Variants in CSPP1 observed in about 807,000 individuals in gnomAD.
CSPP1 encodes the protein centrosome and spindle pole associated protein 1.
CSPP1 carries 126 observed loss-of-function variants against 164.4 expected under a neutral mutation model. The ratio of observed to expected loss-of-function variants is 0.77; its 90% CI spans 0.66 to 0.89. The LOEUF (loss-of-function observed/expected upper bound fraction) is 0.89. Ranked by LOEUF, CSPP1 falls within the 40% of genes least tolerant of loss-of-function variation. The pLI is 0.00. For synonymous variants in CSPP1, 472 were observed against 476.7 expected, an observed-to-expected ratio of 0.99 and a Z score of 0.13; for missense variants, 1,395 against 1,449.8, an observed-to-expected ratio of 0.96 and a Z score of 0.61.
At chr8:67,090,387 G>A (rs191346589) in intron 4 of CSPP1, among the ~76,000 whole-genome samples, 1 of 152,224 alleles carries the variant, frequency 6.6e-6, no homozygotes, top group East Asian at 1.9e-4. Flanking sequence ...TTGGGTTCAG[G>A]TGATTCTCCT....
chr8:67,116,864 T>G (rs1024624359), intron 13 of CSPP1, among the ~76,000 whole-genome samples: 8 of 152,208 alleles, frequency 5.3e-5, no homozygotes, highest in African/African-American at 1.9e-4. Context: ...CTGGACTGTA[T>G]TATTTCAGTA....
chr8:67,195,794 A>AGATT lies in CSPP1; in HGVS notation c.*202_*205dup. The AGATT allele has an allele frequency of 1.8e-6, 1 of 542,452 alleles. No individual in the cohort carries two copies. Among genetic ancestry groups the AGATT allele is most frequent in the Non-Finnish European group, 3.3e-6 (1 of 303,518 alleles). 33.6% of individuals were successfully genotyped at this position (542,452 alleles called of 1,614,324 possible). A position where few individuals can be genotyped will look rare whatever the true frequency, so the allele number is the denominator to read the frequency against. ...ATTGATTTATATAATAGAATTGTAT[A>AGATT]GATTATTTTTGCACAGTTTTGTCAT... On this transcript the variant is annotated 3_prime_UTR_variant, in exon 31 of 31. Coordinates refer to ENST00000678616, the MANE Select transcript of CSPP1 (RefSeq NM_001382391.1).
intron 19 of CSPP1, among the ~76,000 whole-genome samples, chr8:67,155,077 C>CTT (rs1197980666): frequency 5.3e-5 from 8 of 152,178 alleles, no homozygotes; most frequent in African/African-American, 1.7e-4. Context: ...AAGGAAGACA[C>CTT]TTGAACATCC....
At chr8:67,118,158 A>T in intron 13 of CSPP1, 90 bp from the exon 14 acceptor site, 1 of 1,324,960 alleles carries the variant, frequency 7.5e-7, no homozygotes, top group South Asian at 1.2e-5. Context: ...TAGGATTTTC[A>T]GTACTGTTTT....
intron 29 of CSPP1, among the ~76,000 whole-genome samples, chr8:67,191,393 G>C (rs1836201313): frequency 1.3e-5 from 2 of 152,342 alleles, no homozygotes; most frequent in Admixed American, 1.3e-4. Context: ...CCAAGTAACA[G>C]ATGTTGCTAT....
In CSPP1 at chr8:67,195,665, C is replaced by G; in HGVS notation, c.*72C>G. 2 of 1,357,156 alleles carry G rather than the reference C, an allele frequency of 1.5e-6. No individual in the cohort carries two copies. The highest frequency in any genetic ancestry group is 1.2e-5 in the South Asian group (1 of 80,222). The allele number at this position is 1,357,156 out of a possible 1,614,324, so 84.1% of individuals were successfully genotyped here. ...TGGTAAATCTGTACCTTTAATATGT[C>G]CTACTTTTGGCCCCTACCTGAAAGT... On this transcript the variant is annotated 3_prime_UTR_variant, in exon 31 of 31. Transcript: ENST00000678616.
At chr8:67,184,353 A>C (rs1833837556) in intron 28 of CSPP1, among the ~76,000 whole-genome samples, 1 of 152,226 alleles carries the variant, frequency 6.6e-6, no homozygotes, top group African/African-American at 2.4e-5. Context: ...AAATAGAGAA[A>C]ATCAATGAAA....
intron 27 of CSPP1, among the ~76,000 whole-genome samples, chr8:67,179,552 A>G (rs1586785086): frequency 6.6e-6 from 1 of 152,234 alleles, no homozygotes; most frequent in East Asian, 1.9e-4. Context: ...ATCAGTCATA[A>G]TGTGATCCTT....
chr8:67,106,735 C>T (rs1815622057), intron 9 of CSPP1, among the ~76,000 whole-genome samples: 1 of 152,012 alleles, frequency 6.6e-6, no homozygotes, highest in South Asian at 2.1e-4. Context: ...TTTGTGAAAA[C>T]TGTTAGAAAA....
chr8:67,185,959 A>C (rs767157360), intron 28 of CSPP1, among the ~76,000 whole-genome samples: 1 of 152,204 alleles, frequency 6.6e-6, no homozygotes, highest in Non-Finnish European at 1.5e-5. Context: ...GGTCCTTTGC[A>C]CTTAAAGCAA....
Position 67,192,072 on chromosome 8 carries a change from T to G in CSPP1, c.3330+1313T>G, listed in dbSNP as rs552669345. ...TCAAATCCTTTGCTGATTTGTTTTTTTTTTTGTTTTTTTTTTTTGATACAG... is the reference window on the plus strand; with the variant it reads ...TCAAATCCTTTGCTGATTTGTTTTTGTTTTTGTTTTTTTTTTTTGATACAG... On this transcript the variant is annotated intron_variant, in intron 29 of 30. Coordinates refer to ENST00000678616, the MANE Select transcript of CSPP1 (RefSeq NM_001382391.1). 2.0e-3 allele frequency among the ~76,000 whole-genome samples: 290 copies of G among 142,174 alleles called. 1 individual carries two copies. The highest frequency in any genetic ancestry group is 7.1e-3 in the African/African-American group (271 of 38,048). 93.3% of individuals were successfully genotyped at this position (142,174 alleles called of 152,430 possible).
intron 8 of CSPP1, 29 bp downstream of exon 8, chr8:67,103,164 T>G (rs1236018389): frequency 7.4e-7 from 1 of 1,345,460 alleles, no homozygotes; most frequent in East Asian, 2.3e-5. Context: ...ATTCTCTGCT[T>G]TAGTCATTAC....
At chr8:67,154,285 C>CA (rs1826259234) in intron 19 of CSPP1, 149 bp downstream of exon 19, 1 of 510,630 alleles carries the variant, frequency 2.0e-6, no homozygotes, top group South Asian at 3.3e-5. Flanking sequence ...ATCAGTAGTA[C>CA]AAAAGTTATT....
chr8:67,173,357 C>A (rs947279492), intron 25 of CSPP1, among the ~76,000 whole-genome samples: 3 of 152,014 alleles, frequency 2.0e-5, no homozygotes, highest in Non-Finnish European at 4.4e-5. Flanking sequence ...GTACATGAGG[C>A]CTGGGAGATG....
chr8:67,097,307 C>T (rs1813010788), intron 7 of CSPP1, among the ~76,000 whole-genome samples: 1 of 152,098 alleles, frequency 6.6e-6, no homozygotes, highest in Non-Finnish European at 1.5e-5. Flanking sequence ...TTTTACAGTT[C>T]TTTGTCTTCT....
At chr8:67,156,447 T>A (rs1042458730) in intron 19 of CSPP1, among the ~76,000 whole-genome samples, 29 of 152,240 alleles carry the variant, frequency 1.9e-4, no homozygotes, top group African/African-American at 6.5e-4. Context: ...TCTTCCACCC[T>A]GTCAACCCTC....
intron 15 of CSPP1, among the ~76,000 whole-genome samples, chr8:67,120,153 A>G (rs1818699236): frequency 6.6e-6 from 1 of 152,154 alleles, no homozygotes; most frequent in Non-Finnish European, 1.5e-5. Flanking sequence ...AGATATTGGC[A>G]TTCTTGTTGA....
chr8:67,137,181 A>G (rs1822497503), intron 16 of CSPP1, among the ~76,000 whole-genome samples: 1 of 151,926 alleles, frequency 6.6e-6, no homozygotes. Flanking sequence ...GGGGTTTTGC[A>G]TGTTGGCCAG....
rs745882345 is a variant in CSPP1 at position 67,095,426 on chromosome 8, T to C, written c.617T>C (p.Leu206Pro). 4.3e-6 allele frequency: 7 copies of C among 1,613,284 alleles called. No individual in the cohort carries two copies. In the African/African-American group the frequency reaches 8.0e-5, roughly 18 times the overall value. The change falls in exon 7 of 31, where the codon CTT becomes CCT. Residue 206 changes from leucine (L) to proline (P), a missense_variant. Physicochemically the swap from Leu to Pro is moderately conservative, Grantham distance 98 (BLOSUM62 -3). Coordinates refer to ENST00000678616, the MANE Select transcript of CSPP1 (RefSeq NM_001382391.1). ...VLTPSEAYEE[L>P]LNQRRLEEDR... The stretch of plus-strand genomic sequence containing the variant: ...ACTCCTTCAGAGGCATATGAAGAAC[T>C]TCTGAACCAAAGACGACTAGAGGAG...
Sources: allele counts gnomAD v4.1 joint callset (sites outside exome capture counted in the v4.1 genomes callset), GRCh38; gene constraint gnomAD v4.1.1; transcripts MANE v1.5; gene names NCBI Gene and HGNC (gene_info 2026-07-23, HGNC 2026-07-21).